SIPA1L1: variants seen among roughly 807,000 people sequenced by gnomAD.
The protein encoded by SIPA1L1 is signal-induced proliferation-associated 1-like protein 1.
SIPA1L1 carries 26 observed loss-of-function variants against 162.7 expected under a neutral mutation model. The observed-to-expected ratio is 0.16, with a 90% CI of 0.12 to 0.22. The LOEUF is 0.22. SIPA1L1 is among the 10% of genes least tolerant of loss of function. The probability of loss-of-function intolerance (pLI) is 1.00; values close to 1 mark genes in which losing one functional copy is unlikely to be tolerated. For missense variants in SIPA1L1, 1,874 were observed against 2,241.0 expected (o/e 0.84, Z 3.31); for synonymous variants, 829 against 837.4 (o/e 0.99, Z 0.17).
chr14:71,738,159 A>C lies in SIPA1L1; in HGVS notation c.5124-82A>C, dbSNP rs1168273251. The C allele has an allele frequency of 7.2e-6, 5 of 699,268 alleles. No individual in the cohort carries two copies. In the East Asian group the frequency reaches 8.6e-5, roughly 12 times the overall value. 43.3% of individuals were successfully genotyped at this position (699,268 alleles called of 1,614,324 possible). A position where few individuals can be genotyped will look rare whatever the true frequency, so the allele number is the denominator to read the frequency against. ...CATTTTATAAATACAGCCTCCTCAG[A>C]GTAAAAAAAAAAAAAAAAAAAAAAA... On this transcript the variant is annotated intron_variant, in intron 22 of 23. Coordinates refer to ENST00000381232, the MANE Select transcript of SIPA1L1 (RefSeq NM_001386936.1).
intron 2 of SIPA1L1, among the ~76,000 whole-genome samples, chr14:71,361,333 G>A (rs77043802): frequency 0.018 from 2,677 of 152,128 alleles, 31 homozygotes; most frequent in African/African-American, 0.026. Context: ...GTGGTAATGG[G>A]GTATTGGGTC....
chr14:71,391,103 C>CTTTTTTTTTTTTTTTTTTT (rs36003254), intron 2 of SIPA1L1, among the ~76,000 whole-genome samples: 3 of 108,460 alleles, frequency 2.8e-5, no homozygotes, highest in Non-Finnish European at 3.6e-5. Context: ...TATTCAGTAT[C>CTTTTTTTTTTTTTTTTTTT]TTTTTTTTTT....
At position 71,613,433 on chromosome 14, in the gene SIPA1L1, A is replaced by G. The variant is rs559473032; in HGVS notation, c.1499-5324A>G. Among the ~76,000 whole-genome samples, 33 of 151,202 alleles carry G rather than the reference A, an allele frequency of 2.2e-4. No homozygotes were observed. The South Asian group carries it at 2.3e-3, about 10-fold the overall frequency. The stretch of plus-strand genomic sequence containing the variant: ...GCAAAATGCTTTGCTTTGCTGCATT[A>G]TATCATTCTAATATGGTGATTGCTG... On this transcript the variant is annotated intron_variant, in intron 5 of 23. Transcript: ENST00000381232.
intron 20 of SIPA1L1, among the ~76,000 whole-genome samples, chr14:71,732,567 C>T (rs2084897996): frequency 6.6e-6 from 1 of 152,202 alleles, no homozygotes; most frequent in South Asian, 2.1e-4. Flanking sequence ...CCCTGCCAAG[C>T]AGATCTTAGT....
At chr14:71,490,512 G>A (rs960095691) in intron 2 of SIPA1L1, among the ~76,000 whole-genome samples, 5 of 152,042 alleles carry the variant, frequency 3.3e-5, no homozygotes, top group African/African-American at 4.8e-5. Flanking sequence ...AAAAGAAAAT[G>A]TGGGTTTTTA....
intron 2 of SIPA1L1, among the ~76,000 whole-genome samples, chr14:71,495,885 A>C (rs1385332401): frequency 9.4e-6 from 1 of 106,292 alleles, no homozygotes; most frequent in African/African-American, 3.4e-5. Flanking sequence ...CTCCATCTCT[A>C]CAAAAAAAAA....
At chr14:71,382,083 A>G (rs546205985) in intron 2 of SIPA1L1, among the ~76,000 whole-genome samples, 4 of 152,360 alleles carry the variant, frequency 2.6e-5, no homozygotes, top group African/African-American at 9.6e-5. Flanking sequence ...TTGTAAGAGG[A>G]AGCCAATCCA....
At chr14:71,576,412 G>A (rs1362110924) in intron 4 of SIPA1L1, 1 of 152,194 alleles carries the variant, frequency 6.6e-6, no homozygotes, top group Non-Finnish European at 1.5e-5. Flanking sequence ...TACAATGGAT[G>A]GAAACAGATT....
chr14:71,568,379 G>C (rs1468517610), intron 4 of SIPA1L1, among the ~76,000 whole-genome samples: 1 of 152,200 alleles, frequency 6.6e-6, no homozygotes, highest in Non-Finnish European at 1.5e-5. Context: ...CTTGTATCCA[G>C]GGAATAGAGG....
intron 5 of SIPA1L1, among the ~76,000 whole-genome samples, chr14:71,607,944 A>G (rs964120836): frequency 3.3e-5 from 5 of 152,184 alleles, no homozygotes; most frequent in Non-Finnish European, 7.3e-5. Context: ...CACATAATCA[A>G]ACTTGCCACC....
intron 7 of SIPA1L1, among the ~76,000 whole-genome samples, chr14:71,647,883 C>T (rs978058090): frequency 2.9e-5 from 4 of 138,418 alleles, no homozygotes; most frequent in African/African-American, 5.7e-5. Context: ...TAGTGTGCAG[C>T]AAGTTTTACC....
chr14:71,653,947 T>C (rs1056832738), intron 8 of SIPA1L1, among the ~76,000 whole-genome samples: 9 of 152,152 alleles, frequency 5.9e-5, no homozygotes, highest in African/African-American at 2.2e-4. Context: ...AAAGCATAAA[T>C]GTAGAATGAA....
At chr14:71,685,263 T>C (rs1239466949) in intron 12 of SIPA1L1, 99 bp from the exon 13 acceptor site, 35 of 1,316,068 alleles carry the variant, frequency 2.7e-5, no homozygotes, top group Non-Finnish European at 3.1e-5. Flanking sequence ...AGGGTGAAAT[T>C]GTGGATCCAT....
At chr14:71,630,423 G>C (rs2040451448) in intron 7 of SIPA1L1, among the ~76,000 whole-genome samples, 2 of 152,196 alleles carry the variant, frequency 1.3e-5, no homozygotes, top group South Asian at 4.1e-4. Context: ...TTAGCATTTG[G>C]AAGACATGCG....
intron 7 of SIPA1L1, among the ~76,000 whole-genome samples, chr14:71,640,919 C>G (rs1230387278): frequency 1.3e-5 from 2 of 152,138 alleles, no homozygotes; most frequent in African/African-American, 4.8e-5. Context: ...GCCACCACAC[C>G]CAGCCTATAT....
At chr14:71,640,122 T>C (rs2041561379) in intron 7 of SIPA1L1, among the ~76,000 whole-genome samples, 1 of 152,190 alleles carries the variant, frequency 6.6e-6, no homozygotes, top group Non-Finnish European at 1.5e-5. Context: ...CAAGCTGGTC[T>C]CAAACTCCTG....
intron 4 of SIPA1L1, among the ~76,000 whole-genome samples, chr14:71,556,285 A>G (rs1473296877): frequency 1.3e-5 from 2 of 152,228 alleles, no homozygotes; most frequent in African/African-American, 2.4e-5. Context: ...TACCACCATG[A>G]CAATCATCAA....
intron 2 of SIPA1L1, among the ~76,000 whole-genome samples, chr14:71,322,919 TAAAA>T (rs1435963559): frequency 1.3e-5 from 2 of 152,240 alleles, no homozygotes; most frequent in African/African-American, 4.8e-5. Flanking sequence ...AGTGAACTTT[TAAAA>T]TCTGAAGTAT....
chr14:71,589,460 A>C, intron 5 of SIPA1L1, 90 bp downstream of exon 5: 1 of 742,800 alleles, frequency 1.3e-6, no homozygotes, highest in South Asian at 2.3e-5. Flanking sequence ...TAACAATGTG[A>C]CATAAGATTT....
Sources: allele counts gnomAD v4.1 joint callset (sites outside exome capture counted in the v4.1 genomes callset), GRCh38; gene constraint gnomAD v4.1.1; transcripts MANE v1.5; gene names NCBI Gene and HGNC (gene_info 2026-07-23, HGNC 2026-07-21).